The following WWOX variants were observed in gnomAD, a reference collection of about 807,000 sequenced individuals.
WWOX encodes the protein WW domain-containing oxidoreductase.
Under a neutral mutation model 46.2 loss-of-function variants are expected in WWOX, and 69 were observed. That is an observed-to-expected ratio of 1.49 (90% confidence interval 1.23 to 1.82). The LOEUF (loss-of-function observed/expected upper bound fraction) is 1.82. Among genes scored for constraint, WWOX ranks in the 40% most tolerant of loss-of-function variants. The probability of loss-of-function intolerance (pLI) is 0.00; values close to 1 mark genes in which losing one functional copy is unlikely to be tolerated. For missense variants in WWOX, 919 were observed against 542.6 expected (o/e 1.69, Z -6.89); for synonymous variants, 359 against 202.6 (o/e 1.77, Z -6.56).
At chr16:78,717,851 C>T (rs2048600981) in intron 8 of WWOX, among the ~76,000 whole-genome samples, 1 of 152,094 alleles carries the variant, frequency 6.6e-6, no homozygotes. Flanking sequence ...TCTGTCTTTC[C>T]CACCTGTTTG....
intron 5 of WWOX, among the ~76,000 whole-genome samples, chr16:78,283,536 T>G (rs1463218846): frequency 6.6e-6 from 1 of 152,218 alleles, no homozygotes; most frequent in Non-Finnish European, 1.5e-5. Context: ...GTAGGTTGTT[T>G]CCTTGCTGGC....
rs2044791389 is a variant in WWOX, at chr16:78,900,078, T to C, written c.1057-311530T>C. On this transcript the variant is annotated intron_variant, in intron 8 of 8. Transcript: ENST00000566780. The stretch of plus-strand genomic sequence containing the variant: ...CTGACTTTTTTTTTTTTTTTTTTTT[T>C]TCCTGCAGAGAGCGTTGCTGCTCCT... Among the ~76,000 whole-genome samples the C allele has an allele frequency of 2.4e-5, 3 of 124,454 alleles. No homozygotes were observed. In the South Asian group the frequency reaches 7.4e-4, roughly 31 times the overall value. 81.6% of individuals were successfully genotyped at this position (124,454 alleles called of 152,430 possible).
At chr16:78,616,220 T>TG (rs989801913) in intron 8 of WWOX, among the ~76,000 whole-genome samples, 1 of 95,068 alleles carries the variant, frequency 1.1e-5, no homozygotes, top group African/African-American at 5.0e-5. Flanking sequence ...ACTTTTGTGG[T>TG]TTTTTTTTTA....
chr16:79,130,247 G>A (rs1490414930), intron 8 of WWOX, among the ~76,000 whole-genome samples: 1 of 152,032 alleles, frequency 6.6e-6, no homozygotes, highest in African/African-American at 2.4e-5. Context: ...ACAACAGAGG[G>A]GACAAAATAA....
At chr16:78,135,610 A>G (rs2033761202) in intron 4 of WWOX, among the ~76,000 whole-genome samples, 1 of 152,098 alleles carries the variant, frequency 6.6e-6, no homozygotes, top group Middle Eastern at 3.2e-3. Context: ...TATCTAAATC[A>G]GGCTTTCTTT....
At chr16:78,512,481 T>C (rs1164575279) in intron 8 of WWOX, among the ~76,000 whole-genome samples, 1 of 152,220 alleles carries the variant, frequency 6.6e-6, no homozygotes, top group Non-Finnish European at 1.5e-5. Flanking sequence ...ATTTTATCAC[T>C]TTAAATTATT....
intron 8 of WWOX, among the ~76,000 whole-genome samples, chr16:78,980,183 C>G (rs541192449): frequency 3.9e-5 from 6 of 152,300 alleles, no homozygotes; most frequent in African/African-American, 1.4e-4. Flanking sequence ...CACCCCAAAT[C>G]CTTGCTGAAT....
chr16:78,184,554 C>A (rs1191226991), intron 5 of WWOX, among the ~76,000 whole-genome samples: 1 of 149,346 alleles, frequency 6.7e-6, no homozygotes, highest in African/African-American at 2.4e-5. Flanking sequence ...TCACCGAGAT[C>A]TATTTTTTCC....
chr16:78,439,972 C>T (rs539606917), intron 8 of WWOX, among the ~76,000 whole-genome samples: 15 of 152,262 alleles, frequency 9.9e-5, no homozygotes, highest in African/African-American at 3.6e-4. Context: ...CAGAACTGTC[C>T]TCCTGAGTTG....
intron 8 of WWOX, among the ~76,000 whole-genome samples, chr16:79,033,957 T>A (rs185650561): frequency 4.6e-5 from 7 of 152,292 alleles, no homozygotes; most frequent in African/African-American, 1.7e-4. Context: ...TGGGTGGCAC[T>A]GACTGGCCCA....
chr16:78,524,649 G>A (rs2043420233), intron 8 of WWOX, among the ~76,000 whole-genome samples: 1 of 151,704 alleles, frequency 6.6e-6, no homozygotes, highest in Non-Finnish European at 1.5e-5. Flanking sequence ...TCAAACTCCT[G>A]ACCTCGTGAT....
chr16:78,711,421 G>T lies in WWOX; in HGVS notation c.1056+278669G>T, dbSNP rs1354221776. ...TTGGAGGGAACTTGAAGACTAGGTG[G>T]CTGCAGCCACTCAGAATCTTGTTGA... is the stretch of plus-strand genomic sequence containing the variant. On this transcript the variant is annotated intron_variant, in intron 8 of 8. Coordinates refer to ENST00000566780, the MANE Select transcript of WWOX (RefSeq NM_016373.4). 2.0e-5 allele frequency among the ~76,000 whole-genome samples: 3 copies of T among 152,288 alleles called. No homozygotes were observed. In the East Asian group the frequency reaches 5.8e-4, roughly 29 times the overall value.
chr16:78,305,310 T>C (rs570177910), intron 5 of WWOX, among the ~76,000 whole-genome samples: 8 of 152,118 alleles, frequency 5.3e-5, no homozygotes, highest in Non-Finnish European at 8.8e-5. Flanking sequence ...GTGCTGTTAA[T>C]AGCAAATGCC....
At chr16:78,655,318 G>T (rs753400986) in intron 8 of WWOX, among the ~76,000 whole-genome samples, 1 of 152,156 alleles carries the variant, frequency 6.6e-6, no homozygotes, top group Non-Finnish European at 1.5e-5. Context: ...ATGCTACCGA[G>T]CAGTGCCTGT....
chr16:79,115,022 G>A (rs2049487291), intron 8 of WWOX, among the ~76,000 whole-genome samples: 1 of 152,216 alleles, frequency 6.6e-6, no homozygotes. Flanking sequence ...TCCCAGCAAA[G>A]CCAAGTGCAA....
chr16:78,753,994 T>C (rs4887979), intron 8 of WWOX, among the ~76,000 whole-genome samples: 93,744 of 150,140 alleles, frequency 0.62, 30,767 homozygotes, highest in Non-Finnish European at 0.72. Context: ...AAAAGAGATA[T>C]GCCAAAGAGA....
At chr16:78,111,610 A>G (rs568556097) in intron 3 of WWOX, among the ~76,000 whole-genome samples, 52 of 152,266 alleles carry the variant, frequency 3.4e-4, no homozygotes, top group African/African-American at 1.3e-3. Context: ...ACTCTGCTCC[A>G]CCAGCTTCTT....
chr16:78,141,190 T>G (rs565314242), intron 4 of WWOX, among the ~76,000 whole-genome samples: 1 of 152,218 alleles, frequency 6.6e-6, no homozygotes, highest in Non-Finnish European at 1.5e-5. Flanking sequence ...GGCTGCTTAG[T>G]GAGGATGTTG....
intron 8 of WWOX, among the ~76,000 whole-genome samples, chr16:78,714,885 G>C (rs977085052): frequency 2.6e-5 from 4 of 152,144 alleles, no homozygotes; most frequent in African/African-American, 4.8e-5. Context: ...ATAAGACATG[G>C]AATGATATGG....
Sources: allele counts gnomAD v4.1 joint callset (sites outside exome capture counted in the v4.1 genomes callset), GRCh38; gene constraint gnomAD v4.1.1; transcripts MANE v1.5; gene names NCBI Gene and HGNC (gene_info 2026-07-23, HGNC 2026-07-21).